TMEM131: variants seen among roughly 807,000 people sequenced by gnomAD.
TMEM131 encodes the protein 2610524E03Rik.
TMEM131 carries 66 observed loss-of-function variants against 211.6 expected under a neutral mutation model. That is an observed-to-expected ratio of 0.31 (90% CI 0.26 to 0.38). The LOEUF is 0.38. TMEM131 is among the 10% of genes least tolerant of loss of function. The pLI, the probability that TMEM131 is intolerant of heterozygous loss-of-function variation, is 1.00. For missense variants in TMEM131, 2,036 were observed against 2,299.3 expected (o/e 0.89, Z 2.34); for synonymous variants, 844 against 841.3 (o/e 1.00, Z -0.06).
intron 6 of TMEM131, among the ~76,000 whole-genome samples, chr2:97,843,398 TA>T (rs1486659039): frequency 3.3e-5 from 5 of 152,222 alleles, no homozygotes; most frequent in Admixed American, 1.3e-4. Context: ...TACAGTGGTG[TA>T]ATCATAGTTC....
intron 25 of TMEM131, among the ~76,000 whole-genome samples, chr2:97,800,842 A>C (rs926309210): frequency 6.6e-6 from 1 of 152,172 alleles, no homozygotes; most frequent in Non-Finnish European, 1.5e-5. Flanking sequence ...AACATTTGTT[A>C]CTTTGGCATC....
intron 3 of TMEM131, among the ~76,000 whole-genome samples, chr2:97,897,013 T>C (rs1169833080): frequency 7.5e-6 from 1 of 134,048 alleles, no homozygotes; most frequent in Non-Finnish European, 1.6e-5. Context: ...TTACTCTATA[T>C]TACAGTTTTC....
intron 5 of TMEM131, among the ~76,000 whole-genome samples, chr2:97,847,127 T>G (rs1683489029): frequency 7.5e-6 from 1 of 132,544 alleles, no homozygotes; most frequent in African/African-American, 2.8e-5. Flanking sequence ...AGACAGAGGT[T>G]GCAGTGAGCA....
intron 11 of TMEM131, among the ~76,000 whole-genome samples, chr2:97,825,360 T>G (rs1017727900): frequency 5.3e-5 from 8 of 152,234 alleles, no homozygotes; most frequent in Non-Finnish European, 2.9e-5. Flanking sequence ...GTCAAATATC[T>G]AGGCCTAATC....
At chr2:97,761,881 G>A (rs1678870799) in intron 36 of TMEM131, 154 bp downstream of exon 36, 1 of 798,206 alleles carries the variant, frequency 1.3e-6, no homozygotes, top group African/African-American at 1.8e-5. Context: ...AAGCGGGGGT[G>A]GACCCCAGGT....
chr2:97,848,711 T>C (rs982713914), intron 5 of TMEM131, among the ~76,000 whole-genome samples: 3 of 151,362 alleles, frequency 2.0e-5, no homozygotes, highest in Admixed American at 6.6e-5. Flanking sequence ...GCTGTACTTC[T>C]AGGAAAAAAA....
In TMEM131 at chr2:97,818,740, T is replaced by C. The variant is rs759811178; in HGVS notation, c.1075-19A>G. ...GAACACTCTGCAAAGAGAACAAAAA[T>C]ACATACATGGCATTATTTCAGACTA... is the stretch of plus-strand genomic sequence containing the variant. On this transcript the variant is annotated intron_variant, in intron 11 of 40. Coordinates refer to ENST00000186436, the MANE Select transcript of TMEM131 (RefSeq NM_015348.2). 2 of 1,469,850 alleles carry C rather than the reference T, an allele frequency of 1.4e-6. No individual in the cohort carries two copies. The highest frequency in any genetic ancestry group is 1.9e-6 in the Non-Finnish European group (2 of 1,060,470). 91.1% of individuals were successfully genotyped at this position (1,469,850 alleles called of 1,614,324 possible). A position where few individuals can be genotyped will look rare whatever the true frequency, so the allele number is the denominator to read the frequency against.
intron 4 of TMEM131, among the ~76,000 whole-genome samples, chr2:97,872,486 G>C (rs11681535): frequency 0.34 from 51,040 of 151,940 alleles, 9,422 homozygotes; most frequent in Non-Finnish European, 0.39. Flanking sequence ...CAAGATGGCC[G>C]AACAGGAACA....
At chr2:97,984,110 T>A (rs191749684) in intron 1 of TMEM131, among the ~76,000 whole-genome samples, 4 of 152,192 alleles carry the variant, frequency 2.6e-5, no homozygotes, top group African/African-American at 9.7e-5. Context: ...ATAAACCATA[T>A]ATACTTAGGT....
chr2:97,924,569 C>A (rs1310636858), intron 2 of TMEM131, among the ~76,000 whole-genome samples: 1 of 152,202 alleles, frequency 6.6e-6, no homozygotes, highest in Non-Finnish European at 1.5e-5. Context: ...CCACCACATC[C>A]CACCACCTGT....
At chr2:97,854,124 C>T (rs777420908) in intron 5 of TMEM131, among the ~76,000 whole-genome samples, 3 of 151,406 alleles carry the variant, frequency 2.0e-5, no homozygotes, top group African/African-American at 7.4e-5. Flanking sequence ...GCAACTGTCA[C>T]GGCCATCCCA....
At chr2:97,783,679 T>G (rs1048995684) in intron 31 of TMEM131, among the ~76,000 whole-genome samples, 1 of 151,326 alleles carries the variant, frequency 6.6e-6, no homozygotes, top group Non-Finnish European at 1.5e-5. Flanking sequence ...AATATACAAG[T>G]AACCCACAAA....
Position 97,760,615 on chromosome 2 carries a change from C to G in TMEM131, c.5086G>C (p.Val1696Leu). ...SSSLGISHAP[V>L]DSDGSDSSGL... Reference sequence around the variant, plus strand: ...TACCTGTCTGAGCCATCGCTGTCAACAGGAGCGTGTGAAATGCCAAGGCTG... The same window carrying G: ...TACCTGTCTGAGCCATCGCTGTCAAGAGGAGCGTGTGAAATGCCAAGGCTG... Residue 1696 changes from valine (V) to leucine (L), a missense_variant, in exon 38 of 41, where the codon GTT (valine) becomes CTT (leucine). Around this residue, in one of 3 missense-constraint regions of TMEM131, gnomAD observed 1,623 missense variants for 1,805.9 expected, o/e 0.90. Transcript: ENST00000186436. 1 of 1,612,324 alleles carries G rather than the reference C, an allele frequency of 6.2e-7. No individual in the cohort carries two copies. Among genetic ancestry groups the G allele is most frequent in the Non-Finnish European group, 8.5e-7 (1 of 1,179,076 alleles).
chr2:97,935,712 T>C (rs1280327503), intron 1 of TMEM131, among the ~76,000 whole-genome samples: 2 of 152,156 alleles, frequency 1.3e-5, no homozygotes, highest in Non-Finnish European at 2.9e-5. Context: ...TTAGGGACAT[T>C]TGAAAATTCT....
intron 4 of TMEM131, among the ~76,000 whole-genome samples, chr2:97,861,142 T>G (rs1174140593): frequency 6.6e-6 from 1 of 152,116 alleles, no homozygotes; most frequent in African/African-American, 2.4e-5. Context: ...CCATTAGCCT[T>G]GCCACCTCAG....
chr2:97,885,705 A>C (rs1417737170), intron 4 of TMEM131, among the ~76,000 whole-genome samples: 3 of 152,088 alleles, frequency 2.0e-5, no homozygotes, highest in African/African-American at 7.2e-5. Flanking sequence ...TACTTTTAGA[A>C]TTCTTTGCCT....
intron 1 of TMEM131, among the ~76,000 whole-genome samples, chr2:97,972,584 A>G (rs1276783658): frequency 6.6e-6 from 1 of 152,158 alleles, no homozygotes; most frequent in Non-Finnish European, 1.5e-5. Flanking sequence ...AATAATAGTC[A>G]TCAGCCCACT....
chr2:97,849,715 CTCT>C (rs1176019571), intron 5 of TMEM131, among the ~76,000 whole-genome samples: 2,347 of 121,676 alleles, frequency 0.019, 29 homozygotes, highest in African/African-American at 0.068. Context: ...ATCTCTCTCT[CTCT>C]TTTTTTTTTT....
At chr2:97,971,839 G>A (rs531546927) in intron 1 of TMEM131, among the ~76,000 whole-genome samples, 3 of 151,924 alleles carry the variant, frequency 2.0e-5, no homozygotes, top group African/African-American at 7.2e-5. Context: ...TCCAGCCTGG[G>A]TGACAGAGCA....
Sources: gnomAD v4.1 joint callset for allele counts (sites outside exome capture counted in the v4.1 genomes callset) on GRCh38, gnomAD v4.1.1 for gene constraint, gnomAD v4.1.1 regional missense constraint, MANE v1.5 for transcripts, NCBI Gene and HGNC (gene_info 2026-07-23, HGNC 2026-07-21) for gene names.